Variants in TEX11 observed in about 807,000 individuals in gnomAD.
TEX11 encodes the protein testis expressed 11, also known as testis-expressed protein 11.
In TEX11, 7 loss-of-function variants were observed where a neutral mutation model predicts 84.4. The observed-to-expected ratio is 0.08, with a 90% CI of 0.05 to 0.16. TEX11 has a LOEUF of 0.16. Ranked by LOEUF, TEX11 falls within the 10% of genes least tolerant of loss-of-function variation. TEX11 has a pLI of 1.00. For missense variants in TEX11, 551 were observed against 660.5 expected (o/e 0.83, Z 1.82); for synonymous variants, 264 against 222.8 (o/e 1.18, Z -1.64).
At chrX:70,746,969 C>T (rs937325018) in intron 9 of TEX11, among the ~76,000 whole-genome samples, 8 of 112,009 alleles carry the variant, frequency 7.1e-5, no homozygotes, top group African/African-American at 2.6e-4. Context: ...TACCTTGAGC[C>T]TCATTGGCTC....
intron 5 of TEX11, among the ~76,000 whole-genome samples, chrX:70,859,886 C>A (rs1225002636): frequency 9.1e-6 from 1 of 109,499 alleles, no homozygotes; most frequent in African/African-American, 3.3e-5. Context: ...TGTGGTGGCG[C>A]ATGCCTGTAA....
At chrX:70,715,846 C>T (rs1051163034) in intron 13 of TEX11, among the ~76,000 whole-genome samples, 1 of 111,880 alleles carries the variant, frequency 8.9e-6, no homozygotes, top group African/African-American at 3.2e-5. Context: ...AGCTGCACTC[C>T]TTTGGAAGAG....
At chrX:70,839,965 A>C (rs915516213) in intron 7 of TEX11, among the ~76,000 whole-genome samples, 2 of 111,763 alleles carry the variant, frequency 1.8e-5, no homozygotes, top group African/African-American at 6.5e-5. Context: ...AGCCTCCAAG[A>C]AATATGGGAC....
chrX:70,540,361 TATC>T (rs978342650), intron 28 of TEX11, among the ~76,000 whole-genome samples: 1 of 112,123 alleles, frequency 8.9e-6, no homozygotes, highest in African/African-American at 3.2e-5. Context: ...ATTGTTGTGC[TATC>T]ATCACTACCA....
At chrX:70,839,570 A>G (rs1255881483) in intron 7 of TEX11, among the ~76,000 whole-genome samples, 1 of 112,034 alleles carries the variant, frequency 8.9e-6, no homozygotes, top group Non-Finnish European at 1.9e-5. Context: ...GGAAACTCTA[A>G]AAGTCAGAGC....
At chrX:70,892,640 A>G (rs1448806784) in intron 2 of TEX11, among the ~76,000 whole-genome samples, 1 of 109,860 alleles carries the variant, frequency 9.1e-6, no homozygotes. Context: ...GGCTGAGGCA[A>G]TAGAATCCCT....
At chrX:70,722,359 A>T (rs2090566126) in intron 13 of TEX11, among the ~76,000 whole-genome samples, 1 of 112,038 alleles carries the variant, frequency 8.9e-6, no homozygotes, top group Admixed American at 9.5e-5. Context: ...GTAACCTTGA[A>T]CTGCTGGGCT....
chrX:70,765,811 G>A (rs770299952), intron 9 of TEX11, among the ~76,000 whole-genome samples: 1 of 111,557 alleles, frequency 9.0e-6, no homozygotes, highest in South Asian at 3.8e-4. Context: ...AAGAAATGAC[G>A]AACATCCACT....
chrX:70,733,785 C>T (rs768679398), intron 11 of TEX11, among the ~76,000 whole-genome samples: 401 of 111,470 alleles, frequency 3.6e-3, no homozygotes, highest in Non-Finnish European at 6.0e-3. Context: ...ACCATTTGAC[C>T]CAGCCATCCC....
chrX:70,751,600 C>CAA (rs1215371725), intron 9 of TEX11, among the ~76,000 whole-genome samples: 1 of 109,031 alleles, frequency 9.2e-6, no homozygotes, highest in Non-Finnish European at 1.9e-5. Context: ...AACCTGCATG[C>CAA]TGTGCACTTG....
chrX:70,706,578 A>AC (rs1218676088), intron 13 of TEX11, among the ~76,000 whole-genome samples: 2 of 109,778 alleles, frequency 1.8e-5, no homozygotes, highest in African/African-American at 3.3e-5. Context: ...TTATCCTCTA[A>AC]CCCCCCCTTT....
chrX:70,813,910 A>T (rs4844266), intron 8 of TEX11, among the ~76,000 whole-genome samples: 33,124 of 110,506 alleles, frequency 0.3, 3,814 homozygotes, highest in Admixed American at 0.45. Context: ...AAGGACCTCT[A>T]CAAGGAGAAC....
At chrX:70,555,211 T>C (rs2088270579) in intron 25 of TEX11, among the ~76,000 whole-genome samples, 1 of 112,048 alleles carries the variant, frequency 8.9e-6, no homozygotes, top group Non-Finnish European at 1.9e-5. Context: ...TACAGTGCTG[T>C]ATAAACCAAC....
At chrX:70,864,724 AGAGC>A (rs2091589004) in intron 4 of TEX11, among the ~76,000 whole-genome samples, 1 of 100,191 alleles carries the variant, frequency 1.0e-5, no homozygotes, top group African/African-American at 3.7e-5. Context: ...CCTGGGTGAC[AGAGC>A]GAGATGCCAT....
intron 16 of TEX11, among the ~76,000 whole-genome samples, chrX:70,656,884 A>G (rs1160321983): frequency 8.9e-6 from 1 of 111,973 alleles, no homozygotes; most frequent in African/African-American, 3.2e-5. Flanking sequence ...TCTAGGCCCT[A>G]TGAACCCTTA....
chrX:70,584,282 T>C (rs1411289727), intron 25 of TEX11, among the ~76,000 whole-genome samples: 3 of 92,408 alleles, frequency 3.2e-5, no homozygotes, highest in Non-Finnish European at 6.3e-5. Context: ...AGAGCGAGAC[T>C]CCGTCTCAAA....
chrX:70,844,029 C>T (rs1190082219), intron 7 of TEX11, among the ~76,000 whole-genome samples: 3 of 110,551 alleles, frequency 2.7e-5, no homozygotes, highest in Non-Finnish European at 3.8e-5. Context: ...TAAACTAGTT[C>T]AACCATTGTG....
At chrX:70,738,479 G>A (rs1319228362) in intron 11 of TEX11, among the ~76,000 whole-genome samples, 1 of 112,036 alleles carries the variant, frequency 8.9e-6, no homozygotes, top group Non-Finnish European at 1.9e-5. Context: ...GGAGAAATAG[G>A]AACGCTCTTA....
intron 11 of TEX11, among the ~76,000 whole-genome samples, chrX:70,740,354 T>C (rs1199159209): frequency 9.0e-6 from 1 of 111,211 alleles, no homozygotes; most frequent in Non-Finnish European, 1.9e-5. Context: ...AACAAACTCC[T>C]GTGGACCTCT....
Sources: gnomAD v4.1 joint callset for allele counts (sites outside exome capture counted in the v4.1 genomes callset) on GRCh38, gnomAD v4.1.1 for gene constraint, MANE v1.5 for transcripts, NCBI Gene and HGNC (gene_info 2026-07-23, HGNC 2026-07-21) for gene names.